Variants in CHN1 observed in about 807,000 individuals in gnomAD.
CHN1 encodes N-chimaerin.
In CHN1, 37 loss-of-function variants were observed where a neutral mutation model predicts 59.5. That is an observed-to-expected ratio of 0.62 (90% CI 0.48 to 0.82). The LOEUF is 0.82. CHN1 is among the 40% of genes least tolerant of loss of function. CHN1 has a pLI of 0.00. For missense variants in CHN1, 469 were observed against 571.0 expected (o/e 0.82, Z 1.82); for synonymous variants, 206 against 200.4 (o/e 1.03, Z -0.24).
At chr2:174,812,055 C>T in intron 9 of CHN1, 1 of 351,712 alleles carries the variant, frequency 2.8e-6, no homozygotes, top group Non-Finnish European at 5.0e-6. Context: ...TCAACTTTTG[C>T]AGACTGGAAG....
chr2:174,929,897 G>T (rs1440701646), intron 3 of CHN1, among the ~76,000 whole-genome samples: 1 of 152,172 alleles, frequency 6.6e-6, no homozygotes, highest in African/African-American at 2.4e-5. Context: ...TTACTCCAGT[G>T]CATATCTTAC....
chr2:174,823,162 G>C, intron 8 of CHN1, among the ~76,000 whole-genome samples: 1 of 152,102 alleles, frequency 6.6e-6, no homozygotes, highest in Non-Finnish European at 1.5e-5. Flanking sequence ...CAAAAGAAAT[G>C]ATGTTTATAG....
intron 6 of CHN1, among the ~76,000 whole-genome samples, chr2:174,860,307 A>C (rs1198574328): frequency 6.6e-6 from 1 of 152,212 alleles, no homozygotes; most frequent in Non-Finnish European, 1.5e-5. Context: ...TAAAACAATT[A>C]AACAAGTCTT....
At chr2:174,877,804 C>T (rs79701797) in intron 6 of CHN1, 36 bp downstream of exon 6, 1 of 1,574,478 alleles carries the variant, frequency 6.4e-7, no homozygotes, top group South Asian at 1.2e-5. Context: ...GAACCCCAAA[C>T]AGAAAAAGAT....
At chr2:174,952,343 G>GT (rs145037630) in intron 1 of CHN1, 141 bp from the exon 2 acceptor site, 307 of 444,544 alleles carry the variant, frequency 6.9e-4, no homozygotes, top group South Asian at 1.5e-3. Flanking sequence ...GCATTCAAGG[G>GT]TTTTTTTTTA....
At chr2:174,977,453 T>C (rs1690984499) in intron 1 of CHN1, among the ~76,000 whole-genome samples, 1 of 152,246 alleles carries the variant, frequency 6.6e-6, no homozygotes, top group African/African-American at 2.4e-5. Context: ...AGTTTTCAAC[T>C]GTGTTTAACA....
chr2:174,849,254 T>C (rs1686648117), intron 6 of CHN1, among the ~76,000 whole-genome samples: 1 of 152,162 alleles, frequency 6.6e-6, no homozygotes, highest in African/African-American at 2.4e-5. Context: ...AGAAAATTTA[T>C]AGCTAGGTAA....
intron 2 of CHN1, among the ~76,000 whole-genome samples, chr2:174,948,795 T>C (rs755011897): frequency 1.3e-5 from 2 of 152,208 alleles, no homozygotes; most frequent in African/African-American, 4.8e-5. Flanking sequence ...TGAATTGACA[T>C]ACCTAATTAT....
intron 1 of CHN1, among the ~76,000 whole-genome samples, chr2:174,994,182 G>A (rs1691633569): frequency 6.6e-6 from 1 of 152,148 alleles, no homozygotes. Context: ...ACATCTGCTG[G>A]TGGTTAGTAA....
intron 11 of CHN1, among the ~76,000 whole-genome samples, chr2:174,807,100 C>T (rs1311017992): frequency 6.6e-6 from 1 of 152,098 alleles, no homozygotes; most frequent in Non-Finnish European, 1.5e-5. Flanking sequence ...TCAGAAACTC[C>T]ATAACGATGA....
intron 3 of CHN1, among the ~76,000 whole-genome samples, chr2:174,944,359 T>C (rs1486681517): frequency 2.6e-5 from 4 of 152,228 alleles, no homozygotes; most frequent in African/African-American, 9.6e-5. Context: ...AAGTATATTC[T>C]GAGCTTTTAA....
In CHN1 at chr2:174,937,282, A is replaced by C. The variant is rs1490251136; in HGVS notation, c.114+7606T>G. On this transcript the variant is annotated intron_variant, in intron 3 of 12. Transcript: ENST00000409900. The stretch of plus-strand genomic sequence containing the variant: ...GGTCACACACACATGGCTAGTCACT[A>C]AATGTATGTTCCCTTTGAGCCTGGC... Among the ~76,000 whole-genome samples, 3 of 152,186 alleles carry C rather than the reference A, an allele frequency of 2.0e-5. 1 individual carries two copies. Among genetic ancestry groups the C allele is most frequent in the Non-Finnish European group, 4.4e-5 (3 of 68,028 alleles).
At chr2:174,918,244 C>T (rs1000528855) in intron 4 of CHN1, among the ~76,000 whole-genome samples, 3 of 152,080 alleles carry the variant, frequency 2.0e-5, no homozygotes, top group Non-Finnish European at 4.4e-5. Context: ...TATATGTACA[C>T]AAAAACACAA....
chr2:174,843,665 C>G (rs893130030), intron 7 of CHN1, among the ~76,000 whole-genome samples: 1 of 151,388 alleles, frequency 6.6e-6, no homozygotes, highest in East Asian at 1.9e-4. Context: ...TTCAGATGAA[C>G]CCTTAAGTAT....
chr2:174,961,635 T>C (rs1470688716), intron 1 of CHN1, among the ~76,000 whole-genome samples: 1 of 151,734 alleles, frequency 6.6e-6, no homozygotes, highest in African/African-American at 2.4e-5. Flanking sequence ...ATTAAAAAAA[T>C]AAAAATAATA....
chr2:174,812,524 C>T, intron 8 of CHN1, 42 bp from the exon 9 acceptor site: 1 of 1,604,818 alleles, frequency 6.2e-7, no homozygotes, highest in Non-Finnish European at 8.5e-7. Context: ...ATATTATTTT[C>T]AGAGTTTTGA....
At chr2:174,832,290 TTTC>T (rs1318504295) in intron 7 of CHN1, among the ~76,000 whole-genome samples, 1 of 152,012 alleles carries the variant, frequency 6.6e-6, no homozygotes, top group Non-Finnish European at 1.5e-5. Context: ...AAATTCTGTT[TTTC>T]TTCTTTTTCA....
At chr2:174,925,152 CCCAAAGAAA>C (rs1689133532) in intron 3 of CHN1, among the ~76,000 whole-genome samples, 1 of 152,106 alleles carries the variant, frequency 6.6e-6, no homozygotes, top group Non-Finnish European at 1.5e-5. Flanking sequence ...CCAACAGGGC[CCCAAAGAAA>C]CCTGAAAAAC....
chr2:174,801,973 T>G, intron 11 of CHN1, 161 bp from the exon 12 acceptor site: 1 of 537,122 alleles, frequency 1.9e-6, no homozygotes, highest in African/African-American at 1.9e-5. Context: ...AAGGTTCAAG[T>G]CCAGATTTCC....
Sources: gnomAD v4.1 joint callset for allele counts (sites outside exome capture counted in the v4.1 genomes callset) on GRCh38, gnomAD v4.1.1 for gene constraint, MANE v1.5 for transcripts, NCBI Gene and HGNC (gene_info 2026-07-23, HGNC 2026-07-21) for gene names.